The following ETV1 variants were observed in gnomAD, a reference collection of about 807,000 sequenced individuals.
ETV1 encodes the protein ETS variant transcription factor 1, also known as ETS translocation variant 1.
A neutral mutation model predicts 62.3 loss-of-function variants in ETV1; 27 were observed. That is an observed-to-expected ratio of 0.43 (90% CI 0.32 to 0.60). The LOEUF (loss-of-function observed/expected upper bound fraction) is 0.60, where lower values mean the gene tolerates loss of function less well. ETV1 is among the 20% of genes least tolerant of loss of function. The probability of loss-of-function intolerance (pLI) is 0.06; values close to 1 mark genes in which losing one functional copy is unlikely to be tolerated. For synonymous variants in ETV1, 222 were observed against 199.6 expected (o/e 1.11, Z -0.94); for missense variants, 605 against 605.8 (o/e 1.00, Z 0.01).
At chr7:13,902,070 C>T (rs566465645) in intron 12 of ETV1, among the ~76,000 whole-genome samples, 1 of 152,228 alleles carries the variant, frequency 6.6e-6, no homozygotes, top group South Asian at 2.1e-4. Flanking sequence ...TTAATTTCCA[C>T]TTTTTATTAG....
chr7:13,939,264 A>C lies in ETV1; in HGVS notation c.236-18T>G, dbSNP rs1168825214. Reference sequence around the variant, plus strand: ...AAAAGCCACTAGAAAAAAGAACAAAAATATCCACAAAAATTAAATGCTGTA... The same window carrying C: ...AAAAGCCACTAGAAAAAAGAACAAACATATCCACAAAAATTAAATGCTGTA... On this transcript the variant is annotated intron_variant, in intron 6 of 13. Transcript: ENST00000430479. 7.5e-6 allele frequency: 12 copies of C among 1,594,076 alleles called. No homozygotes were observed. Among genetic ancestry groups the C allele is most frequent in the Non-Finnish European group, 1.0e-5 (12 of 1,174,414 alleles).
chr7:13,900,382 C>A (rs929753757), intron 13 of ETV1: 1 of 185,184 alleles, frequency 5.4e-6, no homozygotes, highest in Non-Finnish European at 1.1e-5. Flanking sequence ...TCTAAAGATT[C>A]TTTATTGCTA....
At chr7:13,901,514 A>C (rs1198194518) in intron 12 of ETV1, among the ~76,000 whole-genome samples, 2 of 152,128 alleles carry the variant, frequency 1.3e-5, no homozygotes, top group Non-Finnish European at 2.9e-5. Context: ...TCAGACAAAA[A>C]CTATAGATAA....
rs2128518501 is a variant in ETV1, at chr7:13,989,660, C to A, written c.-382G>T. On this transcript the variant is annotated 5_prime_UTR_variant, in exon 1 of 14. Transcript: ENST00000430479. ...GCACTTCCCCCTTGGAAGCCGAAAGCGCCTCTGACAGAGCTCAATTCGGTG... is the reference window on the plus strand; with the variant it reads ...GCACTTCCCCCTTGGAAGCCGAAAGAGCCTCTGACAGAGCTCAATTCGGTG... 5.0e-6 allele frequency: 2 copies of A among 398,960 alleles called. No homozygotes were observed. Among genetic ancestry groups the A allele is most frequent in the East Asian group, 3.6e-5 (1 of 28,050 alleles). 24.7% of individuals were successfully genotyped at this position (398,960 alleles called of 1,614,324 possible).
chr7:13,934,660 A>T (rs533151690), intron 8 of ETV1, among the ~76,000 whole-genome samples: 15 of 152,250 alleles, frequency 9.9e-5, no homozygotes, highest in Non-Finnish European at 1.5e-4. Context: ...TGCAAAACTC[A>T]TCACTTTCTA....
chr7:13,944,339 G>C (rs926215008), intron 6 of ETV1, among the ~76,000 whole-genome samples: 2 of 152,148 alleles, frequency 1.3e-5, no homozygotes, highest in African/African-American at 4.8e-5. Flanking sequence ...TAAGTGTTTG[G>C]TAAAAGCTCA....
intron 6 of ETV1, among the ~76,000 whole-genome samples, chr7:13,957,740 T>G (rs1449564516): frequency 6.6e-6 from 1 of 152,202 alleles, no homozygotes; most frequent in African/African-American, 2.4e-5. Flanking sequence ...ATATTAGCAC[T>G]TAAACACACA....
chr7:13,913,800 A>G (rs1216091478), intron 9 of ETV1, among the ~76,000 whole-genome samples: 1 of 152,058 alleles, frequency 6.6e-6, no homozygotes, highest in Admixed American at 6.6e-5. Flanking sequence ...GATATCTAAA[A>G]TACAATAAAA....
chr7:13,908,028 TA>T (rs1783153902), intron 11 of ETV1, among the ~76,000 whole-genome samples: 1 of 152,102 alleles, frequency 6.6e-6, no homozygotes, highest in African/African-American at 2.4e-5. Flanking sequence ...AGTAACTGAG[TA>T]ATTATGCAGA....
chr7:13,898,567 C>G (rs1042518490), intron 13 of ETV1, among the ~76,000 whole-genome samples: 2 of 152,072 alleles, frequency 1.3e-5, no homozygotes, highest in African/African-American at 2.4e-5. Flanking sequence ...TTCCGTATTA[C>G]TAAAATTAAT....
chr7:13,964,821 C>T (rs1790596411), intron 6 of ETV1, among the ~76,000 whole-genome samples: 1 of 152,024 alleles, frequency 6.6e-6, no homozygotes, highest in South Asian at 2.1e-4. Context: ...TTCTTATTTG[C>T]TATTTTCCCA....
chr7:13,918,424 T>C (rs1167799400), intron 9 of ETV1, among the ~76,000 whole-genome samples: 1 of 152,144 alleles, frequency 6.6e-6, no homozygotes, highest in Non-Finnish European at 1.5e-5. Context: ...TAAAGACACA[T>C]GCACAAGTAT....
rs527956416 is a variant in ETV1, at chr7:13,931,749, T to A, written c.555A>T (p.Arg185Ser). 1 of 1,613,766 alleles carries A rather than the reference T, an allele frequency of 6.2e-7. No homozygotes were observed. Among genetic ancestry groups the A allele is most frequent in the African/African-American group, 1.3e-5 (1 of 74,920 alleles). The change falls in exon 9 of 14, where the codon AGA becomes AGT. Residue 185 changes from arginine (R) to serine (S), a missense_variant and splice_region_variant. This residue lies in a region of ETV1 where 426 missense variants were observed against 377.8 expected (regional missense o/e 1.13). Transcript: ENST00000430479. ...AGGGTTCAGAAAGCTGGCGGCGAAA[T>A]CTAGGGAATAAGAGAGTGTGTTTCA... ...IPDSSYPMDH[R>S]FRRQLSEPCN...
chr7:13,907,390 A>G (rs1398514794), intron 11 of ETV1, among the ~76,000 whole-genome samples: 3 of 152,054 alleles, frequency 2.0e-5, no homozygotes, highest in Non-Finnish European at 2.9e-5. Context: ...TGCACGAGAG[A>G]TTTCTGTAAG....
At chr7:13,979,418 C>T (rs1781766372) in intron 5 of ETV1, among the ~76,000 whole-genome samples, 1 of 151,968 alleles carries the variant, frequency 6.6e-6, no homozygotes, top group Non-Finnish European at 1.5e-5. Context: ...TGTACATTAG[C>T]ATTCTCTCAG....
intron 6 of ETV1, among the ~76,000 whole-genome samples, chr7:13,945,546 A>C (rs1405612261): frequency 1.3e-5 from 2 of 152,168 alleles, no homozygotes; most frequent in Non-Finnish European, 2.9e-5. Context: ...AAAAAGAGAA[A>C]GCCAACCTAA....
At chr7:13,922,072 A>C (rs113761326) in intron 9 of ETV1, among the ~76,000 whole-genome samples, 15,022 of 152,252 alleles carry the variant, frequency 0.099, 1,291 homozygotes, top group African/African-American at 0.23. Context: ...ATGAATTATA[A>C]ATTTATAATT....
intron 8 of ETV1, among the ~76,000 whole-genome samples, chr7:13,933,677 A>G (rs1786455911): frequency 1.3e-5 from 2 of 152,192 alleles, no homozygotes; most frequent in Admixed American, 1.3e-4. Context: ...AGGGACTGTC[A>G]TTTGTTGGCC....
intron 9 of ETV1, among the ~76,000 whole-genome samples, chr7:13,914,803 C>A (rs1783973766): frequency 6.6e-6 from 1 of 152,136 alleles, no homozygotes; most frequent in East Asian, 1.9e-4. Context: ...GCCTCTATAG[C>A]AGAATGGAGG....
Sources: gnomAD v4.1 joint callset for allele counts (sites outside exome capture counted in the v4.1 genomes callset) on GRCh38, gnomAD v4.1.1 for gene constraint, gnomAD v4.1.1 regional missense constraint, MANE v1.5 for transcripts, NCBI Gene and HGNC (gene_info 2026-07-23, HGNC 2026-07-21) for gene names.